JAKMIP3: variants seen among roughly 807,000 people sequenced by gnomAD.
The protein encoded by JAKMIP3 is Janus kinase and microtubule interacting protein 3.
Under a neutral mutation model 118.5 loss-of-function variants are expected in JAKMIP3, and 58 were observed. The ratio of observed to expected loss-of-function variants is 0.49; its 90% CI spans 0.40 to 0.61. The LOEUF (loss-of-function observed/expected upper bound fraction) is 0.61, where lower values mean the gene tolerates loss of function less well. Ranked by LOEUF, JAKMIP3 falls within the 20% of genes least tolerant of loss-of-function variation. The pLI is 0.00. For synonymous variants in JAKMIP3, 486 were observed against 451.2 expected (o/e 1.08, Z -0.98); for missense variants, 950 against 1,109.0 (o/e 0.86, Z 2.04).
rs1357363751 is a variant in JAKMIP3 at position 132,137,094 on chromosome 10, G to A, written c.1192G>A (p.Asp398Asn). 5.0e-6 allele frequency: 8 copies of A among 1,613,782 alleles called. No homozygotes were observed. Among genetic ancestry groups the A allele is most frequent in the African/African-American group, 4.0e-5 (3 of 74,906 alleles). ...TCAAAGTCAGGATGAGAGAGAAGTC[G>A]ATTTCTTGAAGCTTCAGATTGTGGA... ...LDQSQDEREV[D>N]FLKLQIVEQQ... The change falls in exon 7 of 24, where the codon GAT becomes AAT. Residue 398 changes from aspartate (D) to asparagine (N), a missense_variant. Asp to Asn is a conservative substitution (Grantham distance 23, BLOSUM62 1). Transcript: ENST00000684848.
At chr10:132,174,010 G>C (rs554364282) in intron 23 of JAKMIP3, among the ~76,000 whole-genome samples, 84 of 151,570 alleles carry the variant, frequency 5.5e-4, no homozygotes, top group Admixed American at 9.2e-4. Flanking sequence ...GTAGTGTGTG[G>C]TGTGTCTGTG....
intron 21 of JAKMIP3, among the ~76,000 whole-genome samples, chr10:132,166,405 G>A (rs1199352333): frequency 2.0e-5 from 3 of 152,032 alleles, no homozygotes; most frequent in Admixed American, 1.3e-4. Flanking sequence ...CCCACTGCCC[G>A]ATTTTCTCTC....
chr10:132,145,473 A>T lies in JAKMIP3; in HGVS notation c.1687-45A>T, dbSNP rs1378661503. 17 of 1,503,476 alleles carry T rather than the reference A, an allele frequency of 1.1e-5. No individual in the cohort carries two copies. The East Asian group carries it at 4.2e-4, about 37-fold the overall frequency. 93.1% of individuals were successfully genotyped at this position (1,503,476 alleles called of 1,614,324 possible). On this transcript the variant is annotated intron_variant, in intron 12 of 23. Transcript: ENST00000684848. ...ATCACGATTTAAACGTTGGTTTATG[A>T]GTTCCTCCCTCAGTGTCTTTATTTC... is the stretch of plus-strand genomic sequence containing the variant.
At chr10:132,147,349 A>G (rs9419378) in intron 13 of JAKMIP3, among the ~76,000 whole-genome samples, 20,643 of 152,286 alleles carry the variant, frequency 0.14, 2,993 homozygotes, top group East Asian at 0.5. Context: ...CTGAGGACAC[A>G]TGCCGTGGGC....
chr10:132,162,178 A>T lies in JAKMIP3; in HGVS notation c.2221-1031A>T, dbSNP rs1475166041. Among the ~76,000 whole-genome samples, 4 of 152,280 alleles carry T rather than the reference A, an allele frequency of 2.6e-5. No individual in the cohort carries two copies. The East Asian group carries it at 7.7e-4, about 29-fold the overall frequency. The stretch of plus-strand genomic sequence containing the variant: ...GGGAATGACTGGTTCCTCCTGGGGC[A>T]GTGGTGGCTCTTTATGGCAGGGGCT... On this transcript the variant is annotated intron_variant, in intron 19 of 23. Coordinates refer to ENST00000684848, the MANE Select transcript of JAKMIP3 (RefSeq NM_001323087.2).
At chr10:132,055,577 ATG>A (rs1348943370) in intron 1 of JAKMIP3, among the ~76,000 whole-genome samples, 2 of 152,190 alleles carry the variant, frequency 1.3e-5, no homozygotes, top group Non-Finnish European at 2.9e-5. Context: ...CAAAGGATGG[ATG>A]TGTGTGCGCA....
At chr10:132,164,498 T>G (rs2058694516) in intron 20 of JAKMIP3, among the ~76,000 whole-genome samples, 172 bp from the exon 21 acceptor site, 1 of 152,210 alleles carries the variant, frequency 6.6e-6, no homozygotes, top group South Asian at 2.1e-4. Flanking sequence ...CCCTCCACTC[T>G]CCTGCCAGAG....
rs192051153 is a variant in JAKMIP3 at position 132,168,307 on chromosome 10, C to A, written c.*377C>A. The A allele has an allele frequency of 6.5e-5, 84 of 1,289,490 alleles. No individual in the cohort carries two copies. The highest frequency in any genetic ancestry group is 1.4e-4 in the Admixed American group (6 of 43,568). 79.9% of individuals were successfully genotyped at this position (1,289,490 alleles called of 1,614,324 possible). A position where few individuals can be genotyped will look rare whatever the true frequency, so the allele number is the denominator to read the frequency against. On this transcript the variant is annotated 3_prime_UTR_variant, in exon 23 of 24. Transcript: ENST00000684848. ...TGCTTCTGTGCAGAAGCACCAGCCG[C>A]GGGTCCCCTCCTCTCTCTTGGTTCT...
At chr10:132,094,092 C>T (rs1385761031) in intron 1 of JAKMIP3, among the ~76,000 whole-genome samples, 1 of 152,108 alleles carries the variant, frequency 6.6e-6, no homozygotes, top group Non-Finnish European at 1.5e-5. Context: ...CTCACACCAC[C>T]ATGCCCGGCT....
At chr10:132,092,175 C>G (rs972702646) in intron 1 of JAKMIP3, among the ~76,000 whole-genome samples, 5 of 152,100 alleles carry the variant, frequency 3.3e-5, no homozygotes, top group African/African-American at 1.2e-4. Context: ...GGTAACCCGA[C>G]CTTTCTCTCT....
chr10:132,180,750 C>CGCGCGTGTGTGTGT lies in JAKMIP3; in HGVS notation c.*1104-1604_*1104-1603insCGTGTGTGTGTGCG, dbSNP rs1554963421. On this transcript the variant is annotated intron_variant, in intron 23 of 23. Coordinates refer to ENST00000684848, the MANE Select transcript of JAKMIP3 (RefSeq NM_001323087.2). ...GTGTGCGTGTGTGCGTGCGTGCGCG[C>CGCGCGTGTGTGTGT]GCGTGTGTGCGTGTGTGTGCGTGTG... Among the ~76,000 whole-genome samples the CGCGCGTGTGTGTGT allele has an allele frequency of 3.2e-4, 4 of 12,696 alleles. 2 individuals are homozygous for CGCGCGTGTGTGTGT. Among genetic ancestry groups the CGCGCGTGTGTGTGT allele is most frequent in the East Asian group, 0.015 (2 of 132 alleles). 8.3% of individuals were successfully genotyped at this position (12,696 alleles called of 152,430 possible).
chr10:132,145,320 C>T (rs1480109191), intron 12 of JAKMIP3, 130 bp downstream of exon 12: 5 of 909,312 alleles, frequency 5.5e-6, no homozygotes, highest in Non-Finnish European at 8.4e-6. Flanking sequence ...CTCAAGCCAT[C>T]CTCCCACCTC....
At position 132,180,550 on chromosome 10, in the gene JAKMIP3, CGTGCAT is replaced by C. The variant is rs1180182502; in HGVS notation, c.*1104-1805_*1104-1800del. ...GTGTGTGTGTGTGTGTGTGTGCGTG[CGTGCAT>C]GCGTGTGTGTGCGTGTGTGTGTGCG... On this transcript the variant is annotated intron_variant, in intron 23 of 23. Coordinates refer to ENST00000684848, the MANE Select transcript of JAKMIP3 (RefSeq NM_001323087.2). 4.3e-3 allele frequency among the ~76,000 whole-genome samples: 27 copies of C among 6,348 alleles called. 4 individuals are homozygous for C. Among genetic ancestry groups the C allele is most frequent in the African/African-American group, 0.012 (15 of 1,212 alleles). The allele number at this position is 6,348 out of a possible 152,430, so 4.2% of individuals were successfully genotyped here. A position where few individuals can be genotyped will look rare whatever the true frequency, so the allele number is the denominator to read the frequency against.
intron 11 of JAKMIP3, 23 bp downstream of exon 11, chr10:132,142,071 G>GCT (rs1554948000): frequency 1.3e-6 from 2 of 1,592,216 alleles, no homozygotes; most frequent in East Asian, 2.3e-5. Flanking sequence ...TCCACCGCGC[G>GCT]TTCCGGCCCC....
At chr10:132,092,789 A>G (rs2043261755) in intron 1 of JAKMIP3, among the ~76,000 whole-genome samples, 1 of 152,184 alleles carries the variant, frequency 6.6e-6, no homozygotes, top group South Asian at 2.1e-4. Context: ...TTCTCTATCC[A>G]GCTTTGTTCC....
At position 132,141,844 on chromosome 10, in the gene JAKMIP3, G is replaced by A. The variant is rs368927896; in HGVS notation, c.1474-76G>A. The A allele has an allele frequency of 1.2e-4, 187 of 1,518,556 alleles. No individual in the cohort carries two copies. The African/African-American group carries it at 1.8e-3, about 15-fold the overall frequency. 94.1% of individuals were successfully genotyped at this position (1,518,556 alleles called of 1,614,324 possible). A position where few individuals can be genotyped will look rare whatever the true frequency, so the allele number is the denominator to read the frequency against. Reference sequence around the variant, plus strand: ...GATATCTGGGGAGAAGGGAAGCCCCGGGGCCCCGCCATCGGAGGAGGTGCT... The same window carrying A: ...GATATCTGGGGAGAAGGGAAGCCCCAGGGCCCCGCCATCGGAGGAGGTGCT... On this transcript the variant is annotated intron_variant, in intron 10 of 23. Coordinates refer to ENST00000684848, the MANE Select transcript of JAKMIP3 (RefSeq NM_001323087.2).
chr10:132,176,040 C>G (rs1045311644), intron 23 of JAKMIP3, among the ~76,000 whole-genome samples: 4 of 152,226 alleles, frequency 2.6e-5, no homozygotes, highest in African/African-American at 9.6e-5. Flanking sequence ...CCAGGCACTG[C>G]CTGTCTCTCT....
intron 2 of JAKMIP3, among the ~76,000 whole-genome samples, chr10:132,115,612 T>C (rs1270495000): frequency 1.3e-5 from 2 of 152,222 alleles, no homozygotes; most frequent in African/African-American, 2.4e-5. Flanking sequence ...CTTCAGCGTG[T>C]CATTCACGTA....
intron 1 of JAKMIP3, among the ~76,000 whole-genome samples, chr10:132,095,104 T>C (rs560790248): frequency 6.6e-6 from 1 of 152,304 alleles, no homozygotes; most frequent in Admixed American, 6.5e-5. Context: ...TTGAGTCTGC[T>C]TCCAGGCAGT....
Sources: allele counts gnomAD v4.1 joint callset (sites outside exome capture counted in the v4.1 genomes callset), GRCh38; gene constraint gnomAD v4.1.1; transcripts MANE v1.5; gene names NCBI Gene and HGNC (gene_info 2026-07-23, HGNC 2026-07-21).